CAMSAP2: variants seen among roughly 807,000 people sequenced by gnomAD.
CAMSAP2 encodes the protein calmodulin-regulated spectrin-associated protein 2.
In CAMSAP2, 26 loss-of-function variants were observed where a neutral mutation model predicts 146.1. That is an observed-to-expected ratio of 0.18 (90% CI 0.13 to 0.25). The LOEUF (loss-of-function observed/expected upper bound fraction) is 0.25, where lower values mean the gene tolerates loss of function less well. Among genes scored for constraint, CAMSAP2 ranks in the 10% least tolerant of loss-of-function variants. The probability of loss-of-function intolerance (pLI) is 1.00; values close to 1 mark genes in which losing one functional copy is unlikely to be tolerated. For missense variants in CAMSAP2, 1,381 were observed against 1,759.3 expected (o/e 0.78, Z 3.85); for synonymous variants, 499 against 596.6 (o/e 0.84, Z 2.38).
At chr1:200,750,726 G>A (rs1271553222) in intron 1 of CAMSAP2, among the ~76,000 whole-genome samples, 1 of 151,646 alleles carries the variant, frequency 6.6e-6, no homozygotes, top group Non-Finnish European at 1.5e-5. Flanking sequence ...CCGGGTTCAA[G>A]TGATTCTCCT....
chr1:200,857,669 C>G lies in CAMSAP2; in HGVS notation c.4132-85C>G. On this transcript the variant is annotated intron_variant, in intron 16 of 16. Transcript: ENST00000358823. The surrounding 1 kb of genome is among the most constrained non-coding windows in gnomAD (Gnocchi z 4.7). Reference sequence around the variant, plus strand: ...AATGTTATAAAATGTGACTAAGAAACGTAACATAATTATATAAACTTTATT... The same window carrying G: ...AATGTTATAAAATGTGACTAAGAAAGGTAACATAATTATATAAACTTTATT... The G allele has an allele frequency of 1.7e-6, 2 of 1,173,012 alleles. No individual in the cohort carries two copies. The highest frequency in any genetic ancestry group is 2.4e-5 in the East Asian group (1 of 41,360). 72.7% of individuals were successfully genotyped at this position (1,173,012 alleles called of 1,614,324 possible). A position where few individuals can be genotyped will look rare whatever the true frequency, so the allele number is the denominator to read the frequency against.
chr1:200,792,389 G>A (rs866616802), intron 2 of CAMSAP2, among the ~76,000 whole-genome samples: 6 of 152,290 alleles, frequency 3.9e-5, no homozygotes, highest in South Asian at 2.1e-4. Flanking sequence ...CCAGCCGGGC[G>A]CAGTGGCTCA....
chr1:200,807,047 T>C (rs76038255), intron 2 of CAMSAP2, among the ~76,000 whole-genome samples: 120 of 152,256 alleles, frequency 7.9e-4, no homozygotes, highest in African/African-American at 2.7e-3. Flanking sequence ...GAGGAAAGAC[T>C]GTCAAAGATG....
chr1:200,740,248 T>C (rs1037320428), intron 1 of CAMSAP2, among the ~76,000 whole-genome samples: 1 of 151,906 alleles, frequency 6.6e-6, no homozygotes, highest in Admixed American at 6.6e-5. Flanking sequence ...TGTTTTTACA[T>C]AGAGTGGTTT....
chr1:200,779,853 G>A (rs1369389216), intron 2 of CAMSAP2, among the ~76,000 whole-genome samples: 1 of 152,050 alleles, frequency 6.6e-6, no homozygotes, highest in African/African-American at 2.4e-5. Flanking sequence ...TATGTTAAGA[G>A]TGATCTTATA....
chr1:200,786,167 C>T (rs1378128241), intron 2 of CAMSAP2, among the ~76,000 whole-genome samples: 1 of 151,960 alleles, frequency 6.6e-6, no homozygotes, highest in Non-Finnish European at 1.5e-5. Flanking sequence ...TTTATCAATT[C>T]TGTTAATCTT....
At chr1:200,774,007 A>C (rs565450439) in intron 2 of CAMSAP2, among the ~76,000 whole-genome samples, 1 of 152,194 alleles carries the variant, frequency 6.6e-6, no homozygotes, top group Non-Finnish European at 1.5e-5. Context: ...TTAAAACTAC[A>C]TATTTTTCTG....
chr1:200,817,275 T>TACACAC (rs1666627328), intron 4 of CAMSAP2, among the ~76,000 whole-genome samples: 1 of 97,828 alleles, frequency 1.0e-5, no homozygotes. Flanking sequence ...CACACATATA[T>TACACAC]ATATATTTTC....
intron 1 of CAMSAP2, among the ~76,000 whole-genome samples, chr1:200,747,759 C>A (rs905242182): frequency 3.2e-4 from 49 of 152,092 alleles, no homozygotes; most frequent in African/African-American, 1.1e-3. Context: ...GCCTGTAATC[C>A]CAGCACTCTG....
At position 200,859,458 on chromosome 1, in the gene CAMSAP2, G is replaced by A. The variant is rs544697620; in HGVS notation, c.*1399G>A. The A allele has an allele frequency of 6.6e-6, 1 of 152,622 alleles. No homozygotes were observed. The highest frequency in any genetic ancestry group is 1.5e-5 in the Non-Finnish European group (1 of 67,868). The allele number at this position is 152,622 out of a possible 1,614,324, so 9.5% of individuals were successfully genotyped here. On this transcript the variant is annotated 3_prime_UTR_variant, in exon 17 of 17. Coordinates refer to ENST00000358823, the MANE Select transcript of CAMSAP2 (RefSeq NM_203459.4). ...TTAAAAAAAAGAATAGGAATGAGATGTCCCTGAGCTGTACTTTTCTATTAT... is the reference window on the plus strand; with the variant it reads ...TTAAAAAAAAGAATAGGAATGAGATATCCCTGAGCTGTACTTTTCTATTAT...
intron 1 of CAMSAP2, among the ~76,000 whole-genome samples, chr1:200,749,111 G>A (rs1331249254): frequency 2.0e-5 from 3 of 152,146 alleles, no homozygotes; most frequent in Non-Finnish European, 4.4e-5. Context: ...ATGCAAACAG[G>A]GAGGAAGGAC....
chr1:200,758,030 C>T (rs1483315041), intron 1 of CAMSAP2, among the ~76,000 whole-genome samples: 2 of 152,116 alleles, frequency 1.3e-5, no homozygotes, highest in Non-Finnish European at 2.9e-5. Flanking sequence ...CAGCTATGTG[C>T]CCCTGGGCAA....
At position 200,857,837 on chromosome 1, in the gene CAMSAP2, C is replaced by T; in HGVS notation, c.4215C>T (p.Cys1405=). Residue 1405 remains cysteine (C), a synonymous_variant, in exon 17 of 17, where the codon TGC becomes TGT. Transcript: ENST00000358823. The surrounding 1 kb of genome is among the most constrained non-coding windows in gnomAD (Gnocchi z 4.7). Reference sequence around the variant, plus strand: ...AGTTCAGATCTTTATACACTTATTGCCCAGAAACTGAAGAAATCAATAAAC... The same window carrying T: ...AGTTCAGATCTTTATACACTTATTGTCCAGAAACTGAAGAAATCAATAAAC... ...GCQFRSLYTY[C]PETEEINKLT... 6.2e-7 allele frequency: 1 copy of T among 1,613,656 alleles called. No individual in the cohort carries two copies. The highest frequency in any genetic ancestry group is 8.5e-7 in the Non-Finnish European group (1 of 1,179,752).
chr1:200,836,228 T>A (rs563181695), intron 6 of CAMSAP2, among the ~76,000 whole-genome samples: 1 of 152,304 alleles, frequency 6.6e-6, no homozygotes, highest in South Asian at 2.1e-4. Context: ...TTAATACCCA[T>A]CAGTTATTTC....
chr1:200,752,619 C>CT (rs770066342), intron 1 of CAMSAP2, among the ~76,000 whole-genome samples: 7,295 of 142,558 alleles, frequency 0.051, 332 homozygotes, highest in African/African-American at 0.12. Flanking sequence ...GTCATGTCTC[C>CT]TTTTTTTTTT....
At chr1:200,817,217 CATAT>C (rs1290242533) in intron 4 of CAMSAP2, among the ~76,000 whole-genome samples, 2 of 79,910 alleles carry the variant, frequency 2.5e-5, no homozygotes, top group African/African-American at 8.5e-5. Context: ...CACATACACA[CATAT>C]GTGTGTGTAT....
chr1:200,816,857 C>CGT (rs768536718), intron 4 of CAMSAP2, among the ~76,000 whole-genome samples: 1 of 73,880 alleles, frequency 1.4e-5, no homozygotes, highest in Non-Finnish European at 2.6e-5. Context: ...CACACACACG[C>CGT]GTGTGTATGT....
chr1:200,855,430 T>C (rs1667724891), intron 14 of CAMSAP2, among the ~76,000 whole-genome samples: 2 of 150,242 alleles, frequency 1.3e-5, no homozygotes, highest in Non-Finnish European at 3.0e-5. Context: ...GTGACAGTCA[T>C]CATCTTAGAG....
At chr1:200,754,253 CT>C (rs1386339279) in intron 1 of CAMSAP2, among the ~76,000 whole-genome samples, 2 of 152,078 alleles carry the variant, frequency 1.3e-5, no homozygotes, top group African/African-American at 4.8e-5. Context: ...TTATAGAAGC[CT>C]GGTAGACTAC....
Sources: gnomAD v4.1 joint callset for allele counts (sites outside exome capture counted in the v4.1 genomes callset) on GRCh38, gnomAD v4.1.1 for gene constraint, Gnocchi (gnomAD v3.1) non-coding constraint, MANE v1.5 for transcripts, NCBI Gene and HGNC (gene_info 2026-07-23, HGNC 2026-07-21) for gene names.